The following BICD2 variants were observed in gnomAD, a reference collection of about 807,000 sequenced individuals.
BICD2 encodes the protein protein bicaudal D homolog 2.
BICD2 carries 25 observed loss-of-function variants against 72.9 expected under a neutral mutation model. The ratio of observed to expected loss-of-function variants is 0.34; its 90% CI spans 0.25 to 0.48. BICD2 has a LOEUF of 0.48. BICD2 is among the 20% of genes least tolerant of loss of function. The pLI is 0.99. For synonymous variants in BICD2, 501 were observed against 516.1 expected, an observed-to-expected ratio of 0.97 and a Z score of 0.40; for missense variants, 894 against 1,175.2, an observed-to-expected ratio of 0.76 and a Z score of 3.50.
intron 1 of BICD2, among the ~76,000 whole-genome samples, chr9:92,759,534 C>T (rs764926682): frequency 1.3e-5 from 2 of 152,232 alleles, no homozygotes; most frequent in Non-Finnish European, 2.9e-5. Context: ...TCTCCATCCA[C>T]CTCCCACAGC....
chr9:92,738,508 C>G (rs1348173127), intron 1 of BICD2, among the ~76,000 whole-genome samples: 1 of 152,128 alleles, frequency 6.6e-6, no homozygotes, highest in Admixed American at 6.5e-5. Flanking sequence ...AGGAAAGTCA[C>G]CCCCCTCCCT....
At chr9:92,741,269 A>G (rs1853892317) in intron 1 of BICD2, among the ~76,000 whole-genome samples, 1 of 152,248 alleles carries the variant, frequency 6.6e-6, no homozygotes, top group African/African-American at 2.4e-5. Context: ...AAAACCTGAC[A>G]AAATCTCAGC....
At chr9:92,737,147 T>A (rs1853804880) in intron 1 of BICD2, among the ~76,000 whole-genome samples, 1 of 152,184 alleles carries the variant, frequency 6.6e-6, no homozygotes, top group African/African-American at 2.4e-5. Context: ...CAGGGCTATG[T>A]GACTGTGGTG....
chr9:92,753,948 T>G (rs147285626), intron 1 of BICD2, among the ~76,000 whole-genome samples: 1 of 149,624 alleles, frequency 6.7e-6, no homozygotes, highest in Non-Finnish European at 1.5e-5. Flanking sequence ...ATCAAGACCA[T>G]CCCAGCTAAC....
chr9:92,757,588 C>CG (rs558367606), intron 1 of BICD2, among the ~76,000 whole-genome samples: 637 of 6,548 alleles, frequency 0.097, 6 homozygotes, highest in Non-Finnish European at 0.087. Context: ...CCAGCTACTG[C>CG]GGGGGGGCGG....
chr9:92,713,834 C>G lies in BICD2; in HGVS notation c.*1320G>C, dbSNP rs998013855. The G allele has an allele frequency of 2.8e-6, 3 of 1,086,138 alleles. No homozygotes were observed. The African/African-American group carries it at 4.9e-5, about 18-fold the overall frequency. 67.3% of individuals were successfully genotyped at this position (1,086,138 alleles called of 1,614,324 possible). A position where few individuals can be genotyped will look rare whatever the true frequency, so the allele number is the denominator to read the frequency against. On this transcript the variant is annotated 3_prime_UTR_variant, in exon 7 of 7. Coordinates refer to ENST00000356884, the MANE Select transcript of BICD2 (RefSeq NM_001003800.2). ...ACATACTCGGCACCAAAGGGAAGAA[C>G]GCGCAGGGCAGAGAGCTGTGGGAGG...
intron 1 of BICD2, among the ~76,000 whole-genome samples, chr9:92,756,340 C>A (rs957834462): frequency 2.6e-5 from 4 of 151,778 alleles, no homozygotes; most frequent in African/African-American, 9.7e-5. Flanking sequence ...CGGCTCACTG[C>A]AAGCTCCGCC....
intron 1 of BICD2, among the ~76,000 whole-genome samples, chr9:92,758,477 G>A (rs1173483900): frequency 6.7e-6 from 1 of 150,338 alleles, no homozygotes; most frequent in East Asian, 2.0e-4. Context: ...ACTTGAACTC[G>A]GGAAGCAGAG....
chr9:92,755,220 A>G (rs538328795), intron 1 of BICD2, among the ~76,000 whole-genome samples: 1 of 152,342 alleles, frequency 6.6e-6, no homozygotes, highest in East Asian at 1.9e-4. Context: ...TATTAGGAAG[A>G]GGAAATTCCC....
At chr9:92,733,907 C>T (rs1010212197) in intron 1 of BICD2, among the ~76,000 whole-genome samples, 26 of 151,884 alleles carry the variant, frequency 1.7e-4, no homozygotes, top group Non-Finnish European at 2.9e-4. Context: ...GCGGAGCTTG[C>T]AGTGAGCTGA....
chr9:92,739,995 C>T (rs532370631), intron 1 of BICD2, among the ~76,000 whole-genome samples: 1 of 152,152 alleles, frequency 6.6e-6, no homozygotes, highest in Non-Finnish European at 1.5e-5. Flanking sequence ...TAAATACAAG[C>T]TCAACAATAT....
At position 92,733,747 on chromosome 9, in the gene BICD2, C is replaced by G. The variant is rs571833088; in HGVS notation, c.241-4511G>C. Among the ~76,000 whole-genome samples the G allele has an allele frequency of 5.6e-4, 85 of 152,218 alleles. 1 individual carries two copies. The highest frequency in any genetic ancestry group is 1.7e-3 in the African/African-American group (71 of 41,544). On this transcript the variant is annotated intron_variant, in intron 1 of 6. Coordinates refer to ENST00000356884, the MANE Select transcript of BICD2 (RefSeq NM_001003800.2). Reference sequence around the variant, plus strand: ...CTTCGGGAGGCCGAGGCGGGCAGATCACGAGGTCAGGAGATCGAGACCATC... The same window carrying G: ...CTTCGGGAGGCCGAGGCGGGCAGATGACGAGGTCAGGAGATCGAGACCATC...
At chr9:92,754,983 C>T (rs1418625737) in intron 1 of BICD2, among the ~76,000 whole-genome samples, 1 of 152,212 alleles carries the variant, frequency 6.6e-6, no homozygotes, top group Admixed American at 6.5e-5. Context: ...TAACCTTAAA[C>T]TCTGACCACT....
intron 2 of BICD2, 55 bp from the exon 3 acceptor site, chr9:92,722,863 G>A (rs1433150346): frequency 1.9e-6 from 3 of 1,607,228 alleles, no homozygotes; most frequent in Non-Finnish European, 2.6e-6. Flanking sequence ...GCACGAGAGG[G>A]GCTCAGTGCA....
At chr9:92,752,926 G>A (rs1362405932) in intron 1 of BICD2, among the ~76,000 whole-genome samples, 1 of 152,212 alleles carries the variant, frequency 6.6e-6, no homozygotes, top group African/African-American at 2.4e-5. Context: ...GTTATGCACA[G>A]TAATTTCCTT....
chr9:92,758,234 GAATA>G (rs1159412254), intron 1 of BICD2, among the ~76,000 whole-genome samples: 11 of 144,618 alleles, frequency 7.6e-5, no homozygotes, highest in East Asian at 2.1e-4. Context: ...ATAATAATAT[GAATA>G]AATAAATAAA....
chr9:92,736,909 G>C (rs1452083421), intron 1 of BICD2, among the ~76,000 whole-genome samples: 1 of 152,200 alleles, frequency 6.6e-6, no homozygotes, highest in Non-Finnish European at 1.5e-5. Flanking sequence ...TGCAGGGCTG[G>C]AGACAGAAGG....
chr9:92,724,323 G>A (rs761248418), intron 2 of BICD2, among the ~76,000 whole-genome samples: 2 of 152,114 alleles, frequency 1.3e-5, no homozygotes, highest in South Asian at 4.1e-4. Context: ...CACACAAAAC[G>A]ATCATACTGG....
chr9:92,720,405 C>T lies in BICD2; in HGVS notation c.957G>A (p.Thr319=), dbSNP rs201926954. The T allele has an allele frequency of 2.5e-5, 40 of 1,614,144 alleles. No individual in the cohort carries two copies. In the African/African-American group the frequency reaches 3.1e-4, roughly 12 times the overall value. ...AKLPLDNKTS[T]PKKEGLAPPS... ...GCGGTGCGAGGCCCTCCTTCTTGGG[C>T]GTGGAGGTCTTGTTGTCCAGTGGCA... The change falls in exon 4 of 7, where the codon ACG becomes ACA. Residue 319 remains threonine (T), a synonymous_variant. Transcript: ENST00000356884. This position sits in a 1 kb window ranked among gnomAD's most constrained non-coding sequence, Gnocchi z 5.4.
Sources: gnomAD v4.1 joint callset for allele counts (sites outside exome capture counted in the v4.1 genomes callset) on GRCh38, gnomAD v4.1.1 for gene constraint, Gnocchi (gnomAD v3.1) non-coding constraint, MANE v1.5 for transcripts, NCBI Gene and HGNC (gene_info 2026-07-23, HGNC 2026-07-21) for gene names.